The following GAS6 variants were observed in gnomAD, a reference collection of about 807,000 sequenced individuals.
GAS6 encodes growth arrest-specific protein 6.
GAS6 carries 41 observed loss-of-function variants against 75.8 expected under a neutral mutation model. The observed-to-expected ratio is 0.54, with a 90% confidence interval of 0.42 to 0.70. The LOEUF (loss-of-function observed/expected upper bound fraction) is 0.70. Among genes scored for constraint, GAS6 ranks in the 30% least tolerant of loss-of-function variants. GAS6 has a pLI of 0.00. For missense variants in GAS6, 854 were observed against 940.2 expected (o/e 0.91, Z 1.20); for synonymous variants, 432 against 412.6 (o/e 1.05, Z -0.57).
intron 2 of GAS6, among the ~76,000 whole-genome samples, chr13:113,852,824 C>A (rs1200217141): frequency 6.6e-6 from 1 of 152,228 alleles, no homozygotes; most frequent in Non-Finnish European, 1.5e-5. Context: ...GCAACCCTAC[C>A]AGCAGGGCAC....
Position 113,820,960 on chromosome 13 carries a change from C to T in GAS6, c.1941G>A (p.Glu647=), listed in dbSNP as rs775825887. The change falls in exon 15 of 15, where the codon GAG becomes GAA. Residue 647 remains glutamate, a synonymous_variant. Coordinates refer to ENST00000327773, the MANE Select transcript of GAS6 (RefSeq NM_000820.4). ...TAFYRGCMTL[E]VNRRLLDLDE... is the part of the protein sequence containing the mutation. ...CCAGGTCCAGCAGCCTCCGGTTGACCTCCAGTGTCATGCAGCCGCGGTAGA... is the reference window on the plus strand; with the variant it reads ...CCAGGTCCAGCAGCCTCCGGTTGACTTCCAGTGTCATGCAGCCGCGGTAGA... 3.7e-6 allele frequency: 6 copies of T among 1,612,758 alleles called. No homozygotes were observed. In the Admixed American group the frequency reaches 8.3e-5, roughly 22 times the overall value.
chr13:113,851,484 C>T (rs2051875054), intron 2 of GAS6, among the ~76,000 whole-genome samples: 1 of 144,398 alleles, frequency 6.9e-6, no homozygotes, highest in Non-Finnish European at 1.5e-5. Flanking sequence ...TAGATGAATA[C>T]ATGAATGAAT....
In GAS6 at chr13:113,834,599, A is replaced by G. The variant is rs777608511; in HGVS notation, c.786T>C (p.Cys262=). ...VNSPGSYTCH[C]DGRGGLKLSQ... ...ACAGCTTGAGGCCCCCACGCCCGTC[A>G]CAGTGGCAGGTGTAGCTCCCTGGGG... The change falls in exon 8 of 15, where the codon TGT becomes TGC. Residue 262 remains cysteine (C), a synonymous_variant. Transcript: ENST00000327773. 1.9e-6 allele frequency: 3 copies of G among 1,608,884 alleles called. No individual in the cohort carries two copies. The African/African-American group carries it at 4.0e-5, about 22-fold the overall frequency.
intron 2 of GAS6, among the ~76,000 whole-genome samples, chr13:113,852,416 C>T (rs1057312500): frequency 3.3e-5 from 5 of 152,156 alleles, no homozygotes; most frequent in Non-Finnish European, 4.4e-5. Flanking sequence ...CCTTCGGTTT[C>T]GTAAGCATGG....
intron 13 of GAS6, chr13:113,823,056 C>T: frequency 3.7e-6 from 1 of 269,526 alleles, no homozygotes; most frequent in Non-Finnish European, 7.0e-6. Context: ...AATCATCTGA[C>T]TTAAACACCA....
At chr13:113,838,330 A>T in intron 5 of GAS6, 139 bp from the exon 6 acceptor site, 1 of 915,282 alleles carries the variant, frequency 1.1e-6, no homozygotes, top group Non-Finnish European at 1.6e-6. Flanking sequence ...CCTGGAGCAG[A>T]GAGAGATCCC....
At chr13:113,823,293 C>A (rs2051484777) in intron 13 of GAS6, 82 bp downstream of exon 13, 1 of 1,430,614 alleles carries the variant, frequency 7.0e-7, no homozygotes, top group Non-Finnish European at 9.4e-7. Context: ...ACCGCGGGCC[C>A]CCTTCGTCCC....
intron 2 of GAS6, among the ~76,000 whole-genome samples, chr13:113,855,765 T>C (rs985383792): frequency 1.3e-5 from 2 of 152,096 alleles, no homozygotes; most frequent in African/African-American, 4.8e-5. Context: ...CCACCAATAG[T>C]CGCCAAGAGT....
chr13:113,838,752 C>T (rs2051744964), intron 5 of GAS6, among the ~76,000 whole-genome samples: 1 of 149,780 alleles, frequency 6.7e-6, no homozygotes, highest in Non-Finnish European at 1.5e-5. Context: ...GGGGGGTGCA[C>T]AGCCCAGCAC....
At chr13:113,822,290 C>T (rs2051471553) in intron 13 of GAS6, 104 bp from the exon 14 acceptor site, 5 of 856,410 alleles carry the variant, frequency 5.8e-6, no homozygotes, top group Admixed American at 6.5e-5. Flanking sequence ...CGCCGCACGC[C>T]TGTCTCCGTC....
intron 3 of GAS6, chr13:113,846,974 C>G (rs976750640): frequency 2.0e-6 from 1 of 497,018 alleles, no homozygotes; most frequent in Non-Finnish European, 4.0e-6. Flanking sequence ...ACTGGAAAGC[C>G]ACTCTGCTTT....
At chr13:113,841,283 C>G (rs1389078822) in intron 4 of GAS6, 4 of 152,560 alleles carry the variant, frequency 2.6e-5, no homozygotes, top group African/African-American at 9.7e-5. Context: ...ACAGACACAG[C>G]CCCTGTCCTC....
intron 12 of GAS6, among the ~76,000 whole-genome samples, chr13:113,826,388 C>CTCGGCT (rs2051539237): frequency 7.8e-6 from 1 of 128,780 alleles, no homozygotes; most frequent in Non-Finnish European, 1.6e-5. Context: ...CCTCCCCGGC[C>CTCGGCT]TCGCAGGCAC....
intron 4 of GAS6, chr13:113,843,921 G>C (rs2051812403): frequency 6.6e-6 from 1 of 151,132 alleles, no homozygotes; most frequent in Admixed American, 6.5e-5. Flanking sequence ...AACAGAGTGT[G>C]AGGCTGCCCC....
chr13:113,856,603 T>C (rs961202763), intron 2 of GAS6, among the ~76,000 whole-genome samples: 1 of 152,180 alleles, frequency 6.6e-6, no homozygotes, highest in Non-Finnish European at 1.5e-5. Flanking sequence ...GTGAACAGTT[T>C]CATCATCTGC....
Position 113,834,597 on chromosome 13 carries a change from T to C in GAS6, c.788A>G (p.Asp263Gly), listed in dbSNP as rs2051677149. 5.0e-6 allele frequency: 8 copies of C among 1,608,774 alleles called. No homozygotes were observed. Among genetic ancestry groups the C allele is most frequent in the Non-Finnish European group, 6.8e-6 (8 of 1,178,250 alleles). The change falls in exon 8 of 15, where the codon GAC becomes GGC. Residue 263 changes from aspartate to glycine, a missense_variant. By Grantham distance (94) the Asp-to-Gly change is moderately conservative (BLOSUM62 -1). Transcript: ENST00000327773. ...NSPGSYTCHC[D>G]GRGGLKLSQD... is the part of the protein sequence containing the mutation. Reference sequence around the variant, plus strand: ...GGACAGCTTGAGGCCCCCACGCCCGTCACAGTGGCAGGTGTAGCTCCCTGG... The same window carrying C: ...GGACAGCTTGAGGCCCCCACGCCCGCCACAGTGGCAGGTGTAGCTCCCTGG...
Position 113,832,310 on chromosome 13 carries a change from T to C in GAS6, c.1132A>G (p.Met378Val), listed in dbSNP as rs2051638510. 3 of 1,598,768 alleles carry C rather than the reference T, an allele frequency of 1.9e-6. No homozygotes were observed. The highest frequency in any genetic ancestry group is 1.7e-6 in the Non-Finnish European group (2 of 1,179,746). The change falls in exon 10 of 15, where the codon ATG (methionine) becomes GTG (valine). Residue 378 changes from methionine (M) to valine (V), a missense_variant. Transcript: ENST00000327773. ...TGCCGCACACTCACTGTCTGCCACA[T>C]GCCATGGTTGATGACCGGGCCGCTG... The part of the protein sequence containing the change: ...TSSGPVINHG[M>V]WQTISVEELA...
chr13:113,835,276 G>A (rs766590212), intron 7 of GAS6, among the ~76,000 whole-genome samples: 49 of 152,232 alleles, frequency 3.2e-4, no homozygotes, highest in Non-Finnish European at 5.7e-4. Context: ...TACATGCGGT[G>A]TATATGCATG....
At chr13:113,830,718 C>G (rs1212766440) in intron 10 of GAS6, among the ~76,000 whole-genome samples, 3 of 116,268 alleles carry the variant, frequency 2.6e-5, no homozygotes, top group South Asian at 4.5e-4. Context: ...CCCCATGGCT[C>G]CATCCCCTGC....
Sources: allele counts gnomAD v4.1 joint callset (sites outside exome capture counted in the v4.1 genomes callset), GRCh38; gene constraint gnomAD v4.1.1; transcripts MANE v1.5; gene names NCBI Gene and HGNC (gene_info 2026-07-23, HGNC 2026-07-21).